LRRC4C: variants seen among roughly 807,000 people sequenced by gnomAD.
LRRC4C encodes the protein leucine rich repeat containing 4C, also known as leucine-rich repeat-containing protein 4C.
A neutral mutation model predicts 33.6 loss-of-function variants in LRRC4C; 5 were observed. The ratio of observed to expected loss-of-function variants is 0.15; its 90% CI spans 0.08 to 0.31. LRRC4C has a LOEUF of 0.31. Ranked by LOEUF, LRRC4C falls within the 10% of genes least tolerant of loss-of-function variation. The pLI is 1.00. For missense variants in LRRC4C, 560 were observed against 796.7 expected, an observed-to-expected ratio of 0.70 and a Z score of 3.58; for synonymous variants, 329 against 302.0, an observed-to-expected ratio of 1.09 and a Z score of -0.93.
chr11:41,341,335 T>G (rs1338767294), intron 1 of LRRC4C, among the ~76,000 whole-genome samples: 2 of 152,276 alleles, frequency 1.3e-5, no homozygotes, highest in Non-Finnish European at 1.5e-5. Context: ...AGAAGAAGAA[T>G]AAAATGACTT....
intron 3 of LRRC4C, among the ~76,000 whole-genome samples, chr11:40,415,912 TG>T (rs530441525): frequency 6.6e-6 from 1 of 152,222 alleles, no homozygotes; most frequent in Non-Finnish European, 1.5e-5. Context: ...TGCATACGCA[TG>T]TATGAGCTAT....
chr11:40,931,487 G>A (rs77619720), intron 2 of LRRC4C, among the ~76,000 whole-genome samples: 9,451 of 152,090 alleles, frequency 0.062, 403 homozygotes, highest in Admixed American at 0.15. Context: ...TCCCTTTTGT[G>A]AGAATGTTAG....
At chr11:41,254,542 A>G (rs996647559) in intron 1 of LRRC4C, among the ~76,000 whole-genome samples, 1 of 152,062 alleles carries the variant, frequency 6.6e-6, no homozygotes, top group Non-Finnish European at 1.5e-5. Flanking sequence ...AAATGACAGA[A>G]GTCACATTTT....
At chr11:40,514,210 A>C (rs1219580495) in intron 3 of LRRC4C, among the ~76,000 whole-genome samples, 1 of 152,182 alleles carries the variant, frequency 6.6e-6, no homozygotes, top group African/African-American at 2.4e-5. Flanking sequence ...TTCTAACTTC[A>C]ATACTTTTAT....
chr11:40,332,610 A>C (rs1458045159), intron 3 of LRRC4C, among the ~76,000 whole-genome samples: 1 of 152,224 alleles, frequency 6.6e-6, no homozygotes, highest in Non-Finnish European at 1.5e-5. Flanking sequence ...ATCTAATTTT[A>C]ATTTAAAAAA....
intron 2 of LRRC4C, among the ~76,000 whole-genome samples, chr11:40,859,816 C>A (rs950391644): frequency 6.6e-6 from 1 of 152,166 alleles, no homozygotes; most frequent in Non-Finnish European, 1.5e-5. Flanking sequence ...GTGGCTCACG[C>A]CTGTAATCCC....
At chr11:41,261,961 G>T (rs1440679508) in intron 1 of LRRC4C, among the ~76,000 whole-genome samples, 1 of 152,000 alleles carries the variant, frequency 6.6e-6, no homozygotes, top group Non-Finnish European at 1.5e-5. Flanking sequence ...CTAAAGGAGA[G>T]AAAAATCTTC....
rs11303120 is a variant in LRRC4C, at chr11:40,206,410, A to AT, written c.-96+35108dup. Reference sequence around the variant, plus strand: ...GCCATCATGCCCAGCTAATTTTTGTATTTTTTTTTTTAGTAGAGACAGGGT... The same window carrying AT: ...GCCATCATGCCCAGCTAATTTTTGTATTTTTTTTTTTTAGTAGAGACAGGGT... On this transcript the variant is annotated intron_variant, in intron 5 of 6. Coordinates refer to ENST00000528697, the MANE Select transcript of LRRC4C (RefSeq NM_001258419.2). Among the ~76,000 whole-genome samples, 366 of 147,134 alleles carry AT rather than the reference A, an allele frequency of 2.5e-3. 2 individuals carry two copies. Among genetic ancestry groups the AT allele is most frequent in the African/African-American group, 8.6e-3 (334 of 38,800 alleles).
At chr11:41,426,195 C>T (rs1300791527) in intron 1 of LRRC4C, 1 of 152,214 alleles carries the variant, frequency 6.6e-6, no homozygotes, top group Non-Finnish European at 1.5e-5. Context: ...GTGACATCTT[C>T]CCAGATCTCT....
At chr11:40,974,253 A>T (rs1343899232) in intron 1 of LRRC4C, among the ~76,000 whole-genome samples, 2 of 152,138 alleles carry the variant, frequency 1.3e-5, no homozygotes, top group Non-Finnish European at 2.9e-5. Context: ...ACATTTTCTT[A>T]TGACTAATCT....
chr11:40,970,939 G>C (rs560908808), intron 1 of LRRC4C, among the ~76,000 whole-genome samples: 21 of 152,324 alleles, frequency 1.4e-4, no homozygotes, highest in Non-Finnish European at 3.1e-4. Flanking sequence ...TTTCTAACCA[G>C]TGAAGCACTT....
chr11:41,160,380 T>TA (rs61443237), intron 1 of LRRC4C, among the ~76,000 whole-genome samples: 12,854 of 132,606 alleles, frequency 0.097, 712 homozygotes, highest in African/African-American at 0.16. Context: ...ACCCTCTTTC[T>TA]AAAAAAAAAA....
At chr11:40,898,353 C>CAAAAA (rs765252333) in intron 2 of LRRC4C, among the ~76,000 whole-genome samples, 11 of 38,372 alleles carry the variant, frequency 2.9e-4, no homozygotes, top group South Asian at 2.8e-3. Flanking sequence ...AACTCCATCT[C>CAAAAA]AAAAAAAAAA....
chr11:40,562,367 AG>A (rs759649930), intron 3 of LRRC4C, among the ~76,000 whole-genome samples: 27 of 152,248 alleles, frequency 1.8e-4, no homozygotes, highest in Non-Finnish European at 3.4e-4. Flanking sequence ...AAATTAAATT[AG>A]TCTGTAGATG....
intron 1 of LRRC4C, among the ~76,000 whole-genome samples, chr11:41,404,213 C>A (rs915848396): frequency 1.3e-5 from 2 of 151,962 alleles, no homozygotes; most frequent in Non-Finnish European, 2.9e-5. Flanking sequence ...TCTGGCATCC[C>A]ATAATCTGCC....
chr11:40,866,101 T>C (rs1460431317), intron 2 of LRRC4C, among the ~76,000 whole-genome samples: 1 of 149,906 alleles, frequency 6.7e-6, no homozygotes, highest in East Asian at 2.0e-4. Context: ...CTGATCTTTA[T>C]ATAGAACAGA....
At chr11:41,208,498 G>T (rs1946689623) in intron 1 of LRRC4C, among the ~76,000 whole-genome samples, 1 of 152,146 alleles carries the variant, frequency 6.6e-6, no homozygotes, top group Non-Finnish European at 1.5e-5. Flanking sequence ...CTCTCTAAAG[G>T]ATTACCCACA....
intron 1 of LRRC4C, among the ~76,000 whole-genome samples, chr11:41,016,852 C>T (rs990828888): frequency 7.2e-5 from 11 of 152,192 alleles, no homozygotes; most frequent in African/African-American, 2.7e-4. Context: ...CTGCCCCTAA[C>T]AGTCTCCAGA....
At chr11:41,182,901 C>T (rs1020158538) in intron 1 of LRRC4C, among the ~76,000 whole-genome samples, 1 of 151,142 alleles carries the variant, frequency 6.6e-6, no homozygotes, top group Non-Finnish European at 1.5e-5. Flanking sequence ...GCTGGGGAGG[C>T]CTCACAATCA....
Sources: allele counts gnomAD v4.1 joint callset (sites outside exome capture counted in the v4.1 genomes callset), GRCh38; gene constraint gnomAD v4.1.1; transcripts MANE v1.5; gene names NCBI Gene and HGNC (gene_info 2026-07-23, HGNC 2026-07-21).